Variants in ZGRF1 observed in about 807,000 individuals in gnomAD.
The protein encoded by ZGRF1 is zinc finger GRF-type containing 1.
Under a neutral mutation model 203.5 loss-of-function variants are expected in ZGRF1, and 196 were observed. The observed-to-expected ratio is 0.96, with a 90% confidence interval of 0.86 to 1.08. ZGRF1 has a LOEUF of 1.08. ZGRF1 is among the 50% of genes least tolerant of loss of function. The pLI, the probability that ZGRF1 is intolerant of heterozygous loss-of-function variation, is 0.00. For synonymous variants in ZGRF1, 809 were observed against 841.3 expected, an observed-to-expected ratio of 0.96 and a Z score of 0.66; for missense variants, 2,326 against 2,416.3, an observed-to-expected ratio of 0.96 and a Z score of 0.78.
At chr4:112,599,186 A>T (rs1749531813) in intron 10 of ZGRF1, among the ~76,000 whole-genome samples, 1 of 152,212 alleles carries the variant, frequency 6.6e-6, no homozygotes, top group Non-Finnish European at 1.5e-5. Context: ...CTCTATACCA[A>T]AACTGTAAAA....
chr4:112,621,056 T>G (rs984944703), intron 4 of ZGRF1, among the ~76,000 whole-genome samples: 1 of 151,794 alleles, frequency 6.6e-6, no homozygotes, highest in African/African-American at 2.4e-5. Flanking sequence ...AATTAGTAAA[T>G]AAATATTACA....
chr4:112,618,938 T>G lies in ZGRF1; in HGVS notation c.1104A>C (p.Leu368Phe). 6.2e-7 allele frequency: 1 copy of G among 1,613,898 alleles called. No homozygotes were observed. Among genetic ancestry groups the G allele is most frequent in the Non-Finnish European group, 8.5e-7 (1 of 1,179,900 alleles). Residue 368 changes from leucine to phenylalanine, a missense_variant, in exon 6 of 28, where the codon TTA (leucine) becomes TTC (phenylalanine). Transcript: ENST00000505019. ...TTTCAACGAACTGTATAATTTTTTG[T>G]AATGAAAGGTCTTTCAAATTAGAAT... ...DVNSNLKDLS[L>F]QKIIQFVETY...
Position 112,633,209 on chromosome 4 carries a change from C to T in ZGRF1, c.-33G>A, listed in dbSNP as rs1218187082. The T allele has an allele frequency of 1.3e-6, 2 of 1,582,270 alleles. No individual in the cohort carries two copies. Among genetic ancestry groups the T allele is most frequent in the Non-Finnish European group, 1.7e-6 (2 of 1,154,766 alleles). On this transcript the variant is annotated 5_prime_UTR_variant, in exon 2 of 28. Coordinates refer to ENST00000505019, the MANE Select transcript of ZGRF1 (RefSeq NM_018392.5). ...TCTGAAGTTATAAACCAGCTGGGTCCAGAAAATAGGAAATATTCAACTATT... is the reference window on the plus strand; with the variant it reads ...TCTGAAGTTATAAACCAGCTGGGTCTAGAAAATAGGAAATATTCAACTATT...
chr4:112,560,621 CT>C lies in ZGRF1; in HGVS notation c.4960+111del, dbSNP rs1741775938. 4 of 930,748 alleles carry C rather than the reference CT, an allele frequency of 4.3e-6. No homozygotes were observed. In the South Asian group the frequency reaches 6.8e-5, roughly 16 times the overall value. 57.7% of individuals were successfully genotyped at this position (930,748 alleles called of 1,614,324 possible). ...AGTGGGTACAGGTTTAAAAAGTCTACTTAGAGTTATTCTTGAACCTCATTTG... is the reference window on the plus strand; with the variant it reads ...AGTGGGTACAGGTTTAAAAAGTCTACTAGAGTTATTCTTGAACCTCATTTG... On this transcript the variant is annotated intron_variant, in intron 19 of 27. Coordinates refer to ENST00000505019, the MANE Select transcript of ZGRF1 (RefSeq NM_018392.5).
At chr4:112,601,923 G>A (rs1316219250) in intron 10 of ZGRF1, among the ~76,000 whole-genome samples, 2 of 151,566 alleles carry the variant, frequency 1.3e-5, no homozygotes, top group African/African-American at 4.9e-5. Flanking sequence ...ATGAGGAAGA[G>A]GCCAGGCATG....
At chr4:112,544,896 T>C (rs1738449510) in intron 24 of ZGRF1, among the ~76,000 whole-genome samples, 1 of 152,208 alleles carries the variant, frequency 6.6e-6, no homozygotes, top group Admixed American at 6.5e-5. Flanking sequence ...GAGAAAAGGA[T>C]AGTCTTTTCC....
chr4:112,584,147 G>A lies in ZGRF1; in HGVS notation c.4129C>T (p.Pro1377Ser), dbSNP rs755842557. 7 of 1,608,292 alleles carry A rather than the reference G, an allele frequency of 4.4e-6. No individual in the cohort carries two copies. In the South Asian group the frequency reaches 7.8e-5, roughly 18 times the overall value. ...AAGAATTTACATCGATCAGCTTTGG[G>A]TCCATCACATGTATAAAAGAGACGA... is the stretch of plus-strand genomic sequence containing the variant. ...KGRLFYTCDG[P>S]KADRCKFFKW... The change falls in exon 15 of 28, where the codon CCC becomes TCC. Residue 1377 changes from proline (P) to serine (S), a missense_variant. Transcript: ENST00000505019.
At chr4:112,549,113 C>CAAAAAAAAAAAAAAAA (rs771730607) in intron 22 of ZGRF1, among the ~76,000 whole-genome samples, 22 of 16,778 alleles carry the variant, frequency 1.3e-3, no homozygotes, top group Non-Finnish European at 2.0e-3. Context: ...GACTCCGTCT[C>CAAAAAAAAAAAAAAAA]AAAAAAAAAA....
chr4:112,580,657 G>A (rs1349699715), intron 16 of ZGRF1, among the ~76,000 whole-genome samples: 2 of 152,130 alleles, frequency 1.3e-5, no homozygotes, highest in Non-Finnish European at 2.9e-5. Flanking sequence ...CATTTATGCA[G>A]CCAAAAGACA....
At chr4:112,619,767 AAGG>A in intron 5 of ZGRF1, 77 bp from the exon 6 acceptor site, 2 of 1,200,294 alleles carry the variant, frequency 1.7e-6, no homozygotes, top group South Asian at 3.2e-5. Flanking sequence ...AAGAAAAAAA[AAGG>A]AGAAGGATTG....
chr4:112,623,757 G>A, intron 4 of ZGRF1, 60 bp downstream of exon 4: 1 of 790,058 alleles, frequency 1.3e-6, no homozygotes, highest in Non-Finnish European at 2.1e-6. Flanking sequence ...ATTCATAAAG[G>A]AGGTATTTAA....
rs1747341028 is a variant in ZGRF1 at position 112,587,269 on chromosome 4, C to T, written c.3777+11G>A. On this transcript the variant is annotated intron_variant, in intron 12 of 27. Transcript: ENST00000505019. ...GGAAAAATGCACCACAAGACCGGTA[C>T]ATTTCCTCACCTGTAAATCCTTTAC... 2.5e-6 allele frequency: 4 copies of T among 1,587,668 alleles called. No individual in the cohort carries two copies. Among genetic ancestry groups the T allele is most frequent in the Non-Finnish European group, 3.4e-6 (4 of 1,168,172 alleles).
At position 112,619,235 on chromosome 4, in the gene ZGRF1, T is replaced by C. The variant is rs2046986072; in HGVS notation, c.807A>G (p.Glu269=). ...LKSESSSSCE[E]LNSEMTEHFP... ...AATGCTCTGTCATCTCAGAATTTAGTTCCTCACATGAACTAGATGATTCGG... is the reference window on the plus strand; with the variant it reads ...AATGCTCTGTCATCTCAGAATTTAGCTCCTCACATGAACTAGATGATTCGG... The change falls in exon 6 of 28, where the codon GAA becomes GAG. Residue 269 remains glutamate, a synonymous_variant. Transcript: ENST00000505019. 8 of 1,613,296 alleles carry C rather than the reference T, an allele frequency of 5.0e-6. No homozygotes were observed. Among genetic ancestry groups the C allele is most frequent in the Non-Finnish European group, 6.8e-6 (8 of 1,179,964 alleles).
intron 8 of ZGRF1, among the ~76,000 whole-genome samples, chr4:112,608,930 G>A (rs780880157): frequency 2.6e-5 from 4 of 152,000 alleles, no homozygotes; most frequent in Non-Finnish European, 5.9e-5. Context: ...TGATCATATA[G>A]TACATTTATA....
At chr4:112,622,423 G>A (rs941092295) in intron 4 of ZGRF1, among the ~76,000 whole-genome samples, 5 of 151,066 alleles carry the variant, frequency 3.3e-5, no homozygotes, top group Non-Finnish European at 7.4e-5. Flanking sequence ...GGGAGGCTGA[G>A]GAAGGAGAAT....
intron 1 of ZGRF1, among the ~76,000 whole-genome samples, chr4:112,635,746 T>C (rs896268237): frequency 3.3e-5 from 5 of 151,668 alleles, no homozygotes; most frequent in African/African-American, 7.3e-5. Context: ...ATACAGTATT[T>C]ATCAGTCTCA....
intron 11 of ZGRF1, among the ~76,000 whole-genome samples, chr4:112,589,212 T>C (rs76916434): frequency 0.071 from 10,750 of 152,146 alleles, 507 homozygotes; most frequent in Non-Finnish European, 0.099. Flanking sequence ...AATAGTATTA[T>C]ATTCATCAAG....
intron 9 of ZGRF1, among the ~76,000 whole-genome samples, chr4:112,604,309 A>G (rs1750441714): frequency 6.6e-6 from 1 of 152,146 alleles, no homozygotes; most frequent in African/African-American, 2.4e-5. Context: ...GATGAGTATA[A>G]TAATAATAGC....
At chr4:112,630,661 A>C (rs1381227294) in intron 3 of ZGRF1, among the ~76,000 whole-genome samples, 4 of 151,750 alleles carry the variant, frequency 2.6e-5, no homozygotes, top group African/African-American at 9.7e-5. Flanking sequence ...AAAATTAGTA[A>C]TATTTGGATC....
Sources: allele counts gnomAD v4.1 joint callset (sites outside exome capture counted in the v4.1 genomes callset), GRCh38; gene constraint gnomAD v4.1.1; transcripts MANE v1.5; gene names NCBI Gene and HGNC (gene_info 2026-07-23, HGNC 2026-07-21).